Variants in PACRG observed in about 807,000 individuals in gnomAD.
The protein encoded by PACRG is parkin coregulated, also known as parkin coregulated gene protein.
In PACRG, 29 loss-of-function variants were observed where a neutral mutation model predicts 29.7. That is an observed-to-expected ratio of 0.98 (90% confidence interval 0.73 to 1.33). The LOEUF (loss-of-function observed/expected upper bound fraction) is 1.33. PACRG is among the 40% of genes most tolerant of loss of function. The pLI, the probability that PACRG is intolerant of heterozygous loss-of-function variation, is 0.00. For missense variants in PACRG, 279 were observed against 316.2 expected (o/e 0.88, Z 0.89); for synonymous variants, 116 against 118.7 (o/e 0.98, Z 0.15).
rs202223748 is a variant in PACRG at position 163,239,882 on chromosome 6, T to A, written c.614-74945T>A. On this transcript the variant is annotated intron_variant, in intron 4 of 4. Coordinates refer to ENST00000366888, the MANE Select transcript of PACRG (RefSeq NM_001080379.2). ...CACTCCCACCCCGACATACACACAC[T>A]CTGACACACACTCACACTGTCACAC... Among the ~76,000 whole-genome samples, 8 of 98,316 alleles carry A rather than the reference T, an allele frequency of 8.1e-5. No homozygotes were observed. The East Asian group carries it at 1.3e-3, about 16-fold the overall frequency. 64.5% of individuals were successfully genotyped at this position (98,316 alleles called of 152,430 possible). A position where few individuals can be genotyped will look rare whatever the true frequency, so the allele number is the denominator to read the frequency against.
chr6:162,792,895 G>A (rs187035922), intron 1 of PACRG, among the ~76,000 whole-genome samples: 4 of 152,240 alleles, frequency 2.6e-5, no homozygotes, highest in East Asian at 1.9e-4. Flanking sequence ...CAAAATGAGA[G>A]GTGACCTAGT....
chr6:163,024,264 T>A (rs1269167296), intron 2 of PACRG, among the ~76,000 whole-genome samples: 1 of 152,196 alleles, frequency 6.6e-6, no homozygotes, highest in Admixed American at 6.5e-5. Flanking sequence ...AAGATAGGGG[T>A]CCAGATTCAA....
At chr6:162,947,584 AT>A in intron 2 of PACRG, among the ~76,000 whole-genome samples, 1 of 11,404 alleles carries the variant, frequency 8.8e-5, no homozygotes, top group Non-Finnish European at 2.3e-4. Context: ...ATATATAATC[AT>A]ATATATAATC....
At chr6:163,283,624 C>G (rs1025255948) in intron 4 of PACRG, among the ~76,000 whole-genome samples, 1 of 149,402 alleles carries the variant, frequency 6.7e-6, no homozygotes, top group Non-Finnish European at 1.5e-5. Context: ...CAAGGTGAAA[C>G]CCCGTCTCTA....
intron 4 of PACRG, among the ~76,000 whole-genome samples, chr6:163,109,759 A>G (rs1457274593): frequency 6.6e-6 from 1 of 152,186 alleles, no homozygotes; most frequent in East Asian, 1.9e-4. Flanking sequence ...ACAAGCAGGG[A>G]TTTCCACTTT....
intron 4 of PACRG, among the ~76,000 whole-genome samples, chr6:163,233,220 A>T (rs563395222): frequency 6.6e-6 from 1 of 152,240 alleles, no homozygotes; most frequent in African/African-American, 2.4e-5. Context: ...TGTTTTCTAC[A>T]TCTCTGTTAG....
At chr6:162,832,120 A>G (rs983395790) in intron 2 of PACRG, among the ~76,000 whole-genome samples, 5 of 152,232 alleles carry the variant, frequency 3.3e-5, no homozygotes, top group African/African-American at 1.2e-4. Flanking sequence ...TTACATTCCC[A>G]TAAACAGTGT....
Position 163,217,685 on chromosome 6 carries a change from C to T in PACRG, c.614-97142C>T, listed in dbSNP as rs143578974. Among the ~76,000 whole-genome samples the T allele has an allele frequency of 4.7e-4, 72 of 152,198 alleles. 2 individuals are homozygous for T. In the East Asian group the frequency reaches 6.8e-3, roughly 14 times the overall value. ...ATTGCTCGCTTTACTGCCTGAGCTC[C>T]GCCTCCTGTCAGATCAGCAGCAGCA... is the stretch of plus-strand genomic sequence containing the variant. On this transcript the variant is annotated intron_variant, in intron 4 of 4. Coordinates refer to ENST00000366888, the MANE Select transcript of PACRG (RefSeq NM_001080379.2).
At chr6:162,995,015 G>C (rs1396338036) in intron 2 of PACRG, among the ~76,000 whole-genome samples, 31 of 151,016 alleles carry the variant, frequency 2.1e-4, no homozygotes, top group Admixed American at 3.9e-4. Flanking sequence ...AGGTGTCAGT[G>C]TGCCCCTGCT....
intron 2 of PACRG, among the ~76,000 whole-genome samples, chr6:162,952,765 A>G (rs1210269430): frequency 6.6e-6 from 1 of 152,224 alleles, no homozygotes; most frequent in African/African-American, 2.4e-5. Context: ...GGGAAGAGGT[A>G]GAGAATGGCT....
At chr6:162,958,453 T>C (rs1411964473) in intron 2 of PACRG, among the ~76,000 whole-genome samples, 1 of 152,162 alleles carries the variant, frequency 6.6e-6, no homozygotes. Flanking sequence ...TTTTTATGTC[T>C]TTAGACTTCT....
intron 4 of PACRG, among the ~76,000 whole-genome samples, chr6:163,186,153 A>T (rs1432555592): frequency 6.6e-6 from 1 of 152,160 alleles, no homozygotes; most frequent in Non-Finnish European, 1.5e-5. Context: ...CTGCCTAGCC[A>T]GGGGGCTTCG....
At position 163,269,983 on chromosome 6, in the gene PACRG, GAAAGAAAGAAA is replaced by G. The variant is rs1783756559; in HGVS notation, c.614-44843_614-44833del. Among the ~76,000 whole-genome samples, 2 of 100,382 alleles carry G rather than the reference GAAAGAAAGAAA, an allele frequency of 2.0e-5. 1 individual carries two copies. The highest frequency in any genetic ancestry group is 4.1e-5 in the Non-Finnish European group (2 of 48,540). The allele number at this position is 100,382 out of a possible 152,430, so 65.9% of individuals were successfully genotyped here. On this transcript the variant is annotated intron_variant, in intron 4 of 4. Coordinates refer to ENST00000366888, the MANE Select transcript of PACRG (RefSeq NM_001080379.2). ...AGAAAGAAAGAAAGAAAGAAAGAAA[GAAAGAAAGAAA>G]GAAAGAAAGAAAGGAGGGAGGGAGG...
intron 4 of PACRG, among the ~76,000 whole-genome samples, chr6:163,096,317 G>A (rs1814582120): frequency 6.6e-6 from 1 of 152,012 alleles, no homozygotes; most frequent in African/African-American, 2.4e-5. Flanking sequence ...GTTCACCTGG[G>A]CCTGTCCCGG....
At chr6:163,197,019 A>G (rs1780487113) in intron 4 of PACRG, among the ~76,000 whole-genome samples, 1 of 152,166 alleles carries the variant, frequency 6.6e-6, no homozygotes. Flanking sequence ...AAATATAAAT[A>G]AATATATGAA....
intron 2 of PACRG, among the ~76,000 whole-genome samples, chr6:162,938,520 G>A (rs1178668078): frequency 6.6e-6 from 1 of 152,134 alleles, no homozygotes; most frequent in African/African-American, 2.4e-5. Context: ...CCCACCAGTA[G>A]TGGGATTGCT....
At chr6:162,785,801 C>T (rs770245593) in intron 1 of PACRG, among the ~76,000 whole-genome samples, 2 of 152,156 alleles carry the variant, frequency 1.3e-5, no homozygotes, top group African/African-American at 4.8e-5. Context: ...TGCTATGCGG[C>T]CCAGTTCCTA....
rs149122150 is a variant in PACRG at position 162,996,582 on chromosome 6, G to A, written c.292-65568G>A. On this transcript the variant is annotated intron_variant, in intron 2 of 4. Transcript: ENST00000366888. ...TTAAATTATGATGAATCCATTCAAT[G>A]GAATATTATATAACAATTTAAAATA... Among the ~76,000 whole-genome samples, 91 of 151,988 alleles carry A rather than the reference G, an allele frequency of 6.0e-4. 3 individuals carry two copies. The East Asian group carries it at 0.017, about 29-fold the overall frequency.
chr6:163,314,272 G>T (rs1785557962), intron 4 of PACRG, among the ~76,000 whole-genome samples: 1 of 152,224 alleles, frequency 6.6e-6, no homozygotes, highest in Non-Finnish European at 1.5e-5. Context: ...GGCAGGAGAA[G>T]CAGCTTCCTC....
Sources: allele counts gnomAD v4.1 joint callset (sites outside exome capture counted in the v4.1 genomes callset), GRCh38; gene constraint gnomAD v4.1.1; transcripts MANE v1.5; gene names NCBI Gene and HGNC (gene_info 2026-07-23, HGNC 2026-07-21).